SHISA9: variants seen among roughly 807,000 people sequenced by gnomAD.
The protein encoded by SHISA9 is protein shisa-9.
In SHISA9, 13 loss-of-function variants were observed where a neutral mutation model predicts 38.0. The observed-to-expected ratio is 0.34, with a 90% CI of 0.22 to 0.54. The LOEUF is 0.54. Ranked by LOEUF, SHISA9 falls within the 20% of genes least tolerant of loss-of-function variation. The probability of loss-of-function intolerance (pLI) is 0.91; values close to 1 mark genes in which losing one functional copy is unlikely to be tolerated. For missense variants in SHISA9, 538 were observed against 575.8 expected (o/e 0.93, Z 0.67); for synonymous variants, 275 against 242.0 (o/e 1.14, Z -1.27).
intron 2 of SHISA9, among the ~76,000 whole-genome samples, chr16:12,938,656 C>T (rs1048430691): frequency 1.9e-4 from 29 of 152,130 alleles, no homozygotes; most frequent in African/African-American, 7.0e-4. Flanking sequence ...TGCCACCACG[C>T]CCAGCTAATT....
At chr16:13,306,020 G>A in the SHISA9 span, among the ~76,000 whole-genome samples, 1 of 152,202 alleles carries the variant, frequency 6.6e-6, no homozygotes, top group Admixed American at 6.5e-5. Flanking sequence ...CACTTAAAGT[G>A]AGAATCTAGA....
chr16:13,491,521 C>CTCTG, the SHISA9 span, among the ~76,000 whole-genome samples: 2 of 151,938 alleles, frequency 1.3e-5, no homozygotes, highest in Non-Finnish European at 2.9e-5. Context: ...CTGAATCTCA[C>CTCTG]TCTGTCACCA....
At chr16:13,002,409 A>T (rs1362554056) in intron 2 of SHISA9, among the ~76,000 whole-genome samples, 1 of 152,164 alleles carries the variant, frequency 6.6e-6, no homozygotes, top group East Asian at 1.9e-4. Context: ...CTCGTTGTCC[A>T]CAAGCGACGG....
intron 2 of SHISA9, among the ~76,000 whole-genome samples, chr16:13,028,330 A>C (rs961852904): frequency 1.3e-5 from 2 of 152,198 alleles, no homozygotes; most frequent in African/African-American, 4.8e-5. Context: ...GAGCTGCATT[A>C]GTCTGTTTTC....
At chr16:13,474,165 T>G in the SHISA9 span, 16 of 152,358 alleles carry the variant, frequency 1.1e-4, no homozygotes, top group Non-Finnish European at 2.1e-4. Context: ...TACTTGCAGC[T>G]GAGCATAATC....
At chr16:12,985,042 T>C (rs1007421237) in intron 2 of SHISA9, among the ~76,000 whole-genome samples, 2 of 152,194 alleles carry the variant, frequency 1.3e-5, no homozygotes, top group Non-Finnish European at 2.9e-5. Context: ...ACTCCCTCAT[T>C]GGTTTATCCT....
chr16:13,241,765 A>G (rs2051437136), downstream of SHISA9, among the ~76,000 whole-genome samples: 1 of 152,142 alleles, frequency 6.6e-6, no homozygotes, highest in South Asian at 2.1e-4. Context: ...GAGACCTTTC[A>G]TTGGCCACAG....
chr16:13,104,156 A>G (rs908985690), intron 2 of SHISA9, among the ~76,000 whole-genome samples: 2 of 152,124 alleles, frequency 1.3e-5, no homozygotes, highest in African/African-American at 4.8e-5. Flanking sequence ...TAAGGGGGCC[A>G]GGTTTACCAG....
At chr16:13,302,379 G>A in the SHISA9 span, among the ~76,000 whole-genome samples, 177 of 152,262 alleles carry the variant, frequency 1.2e-3, no homozygotes, top group African/African-American at 4.2e-3. Context: ...TGAACCTGAG[G>A]AGATAAGCTT....
the SHISA9 span, among the ~76,000 whole-genome samples, chr16:13,459,126 T>A: frequency 1.3e-5 from 2 of 152,124 alleles, no homozygotes; most frequent in African/African-American, 4.8e-5. Context: ...AGTGCTGGGA[T>A]TACAGATGTG....
At chr16:13,370,154 G>A in the SHISA9 span, among the ~76,000 whole-genome samples, 1 of 152,132 alleles carries the variant, frequency 6.6e-6, no homozygotes, top group Non-Finnish European at 1.5e-5. Flanking sequence ...GGTATTTCCC[G>A]GGGTGCCACG....
the SHISA9 span, among the ~76,000 whole-genome samples, chr16:13,545,990 C>A: frequency 6.6e-6 from 1 of 152,120 alleles, no homozygotes; most frequent in African/African-American, 2.4e-5. Flanking sequence ...TTTGGGGCTG[C>A]CAGTGACCAT....
chr16:13,441,477 A>G, the SHISA9 span, among the ~76,000 whole-genome samples: 3 of 152,162 alleles, frequency 2.0e-5, no homozygotes, highest in East Asian at 3.9e-4. Flanking sequence ...TCCATTCCCT[A>G]TCTATGAGGA....
intron 2 of SHISA9, among the ~76,000 whole-genome samples, chr16:13,112,602 C>T (rs549832525): frequency 1.3e-5 from 2 of 152,092 alleles, no homozygotes; most frequent in East Asian, 1.9e-4. Context: ...TACAATACCT[C>T]TCATTGAGAA....
the SHISA9 span, among the ~76,000 whole-genome samples, chr16:13,465,585 T>C: frequency 6.6e-6 from 1 of 152,178 alleles, no homozygotes; most frequent in Non-Finnish European, 1.5e-5. Flanking sequence ...GTACCTGTTG[T>C]CTTGCTACCT....
At chr16:13,531,546 C>T in the SHISA9 span, among the ~76,000 whole-genome samples, 6 of 147,488 alleles carry the variant, frequency 4.1e-5, no homozygotes, top group African/African-American at 1.5e-4. Flanking sequence ...GTCCATGATA[C>T]GAAAAAGAAG....
chr16:13,098,280 C>G (rs2073846487), intron 2 of SHISA9, among the ~76,000 whole-genome samples: 1 of 152,206 alleles, frequency 6.6e-6, no homozygotes, highest in Admixed American at 6.5e-5. Flanking sequence ...AAAATACACT[C>G]CCTGCTGGAT....
At chr16:13,120,617 A>G (rs544349247) in intron 2 of SHISA9, among the ~76,000 whole-genome samples, 13 of 152,226 alleles carry the variant, frequency 8.5e-5, no homozygotes, top group African/African-American at 3.1e-4. Context: ...GCAAATATTT[A>G]TGAGACAGGA....
intron 4 of SHISA9, among the ~76,000 whole-genome samples, chr16:13,228,284 G>C (rs1397175758): frequency 6.6e-6 from 1 of 152,218 alleles, no homozygotes; most frequent in Non-Finnish European, 1.5e-5. Flanking sequence ...CTCAGAGTTA[G>C]GTTAGGAGGA....
Sources: gnomAD v4.1 joint callset for allele counts (sites outside exome capture counted in the v4.1 genomes callset) on GRCh38, gnomAD v4.1.1 for gene constraint, MANE v1.5 for transcripts, NCBI Gene and HGNC (gene_info 2026-07-23, HGNC 2026-07-21) for gene names.